Variants in LRIG3 observed in about 807,000 individuals in gnomAD.
LRIG3 encodes leucine-rich repeats and immunoglobulin-like domains protein 3.
In LRIG3, 76 loss-of-function variants were observed where a neutral mutation model predicts 114.5. That is an observed-to-expected ratio of 0.66 (90% CI 0.55 to 0.80). LRIG3 has a LOEUF of 0.80. LRIG3 is among the 30% of genes least tolerant of loss of function. LRIG3 has a pLI of 0.00. For synonymous variants in LRIG3, 512 were observed against 519.8 expected (o/e 0.98, Z 0.20); for missense variants, 1,239 against 1,382.8 (o/e 0.90, Z 1.65).
At chr12:58,890,415 T>G (rs1027675958) in intron 4 of LRIG3, among the ~76,000 whole-genome samples, 1 of 152,184 alleles carries the variant, frequency 6.6e-6, no homozygotes, top group Non-Finnish European at 1.5e-5. Flanking sequence ...TGATTTTGAT[T>G]GTTTTTTTAA....
At position 58,890,117 on chromosome 12, in the gene LRIG3, T is replaced by G; in HGVS notation, c.538A>C (p.Thr180Pro). The change falls in exon 5 of 19, where the codon ACA becomes CCA. Residue 180 changes from threonine (T) to proline (P), a missense_variant. By Grantham distance (38) the Thr-to-Pro change is conservative. Transcript: ENST00000320743. ...KYLYLNSNRV[T>P]SMEPGYFDNL... Reference sequence around the variant, plus strand: ...TCAAAATACCCAGGTTCCATTGATGTGACTCGGTTGCTGTTGAGATACCTG... The same window carrying G: ...TCAAAATACCCAGGTTCCATTGATGGGACTCGGTTGCTGTTGAGATACCTG... 1 of 1,613,694 alleles carries G rather than the reference T, an allele frequency of 6.2e-7. No homozygotes were observed. Among genetic ancestry groups the G allele is most frequent in the Non-Finnish European group, 8.5e-7 (1 of 1,179,696 alleles).
intron 18 of LRIG3, among the ~76,000 whole-genome samples, chr12:58,873,247 T>C (rs992048486): frequency 1.3e-5 from 2 of 152,214 alleles, no homozygotes; most frequent in African/African-American, 4.8e-5. Flanking sequence ...TCTTCATTAA[T>C]TGTAGCCAAA....
chr12:58,903,004 T>A (rs1321754466), intron 3 of LRIG3, among the ~76,000 whole-genome samples: 2 of 152,056 alleles, frequency 1.3e-5, no homozygotes, highest in African/African-American at 4.8e-5. Flanking sequence ...AGTCTTTGCT[T>A]TTGTGAATAG....
At chr12:58,890,283 G>T (rs1871412013) in intron 4 of LRIG3, 144 bp from the exon 5 acceptor site, 2 of 876,912 alleles carry the variant, frequency 2.3e-6, no homozygotes, top group East Asian at 5.3e-5. Context: ...CTCAAGGACA[G>T]ATGTTAAGAT....
chr12:58,899,026 TC>T (rs1871746578), intron 3 of LRIG3, among the ~76,000 whole-genome samples: 1 of 152,226 alleles, frequency 6.6e-6, no homozygotes, highest in East Asian at 1.9e-4. Flanking sequence ...ATTCTGACTC[TC>T]TGCACCAGTG....
chr12:58,880,778 T>C lies in LRIG3; in HGVS notation c.1604A>G (p.Lys535Arg), dbSNP rs1289094689. Residue 535 changes from lysine to arginine, a missense_variant, in exon 13 of 19, where the codon AAA (lysine) becomes AGA (arginine). Lys to Arg is a conservative substitution (Grantham distance 26, BLOSUM62 2). Coordinates refer to ENST00000320743, the MANE Select transcript of LRIG3 (RefSeq NM_153377.5). ...ATCATGCAGTAGTTCATTGTCTTTT[T>C]TCCAAGCAAAAGTCATTGGGGAATC... ...SSDSPMTFAW[K>R]KDNELLHDAE... The C allele has an allele frequency of 3.1e-6, 5 of 1,614,220 alleles. No individual in the cohort carries two copies. The highest frequency in any genetic ancestry group is 3.4e-6 in the Non-Finnish European group (4 of 1,180,024).
chr12:58,877,713 C>G lies in LRIG3; in HGVS notation c.2223G>C (p.Glu741Asp), dbSNP rs1334587941. 1.4e-5 allele frequency: 22 copies of G among 1,614,088 alleles called. No homozygotes were observed. The highest frequency in any genetic ancestry group is 1.8e-5 in the Non-Finnish European group (21 of 1,180,052). Residue 741 changes from glutamate (E) to aspartate (D), a missense_variant, in exon 15 of 19, where the codon GAG becomes GAC. Transcript: ENST00000320743. ...TKDDSPLVVT[E>D]RHFFAAGNQL... Reference sequence around the variant, plus strand: ...GATTGCCTGCTGCAAAAAAGTGCCTCTCGGTTACCACCAATGGGCTATCAT... The same window carrying G: ...GATTGCCTGCTGCAAAAAAGTGCCTGTCGGTTACCACCAATGGGCTATCAT...
chr12:58,872,754 A>G lies in LRIG3; in HGVS notation c.3178T>C (p.Ser1060Pro). The change falls in exon 19 of 19, where the codon TCA becomes CCA. Residue 1060 changes from serine (S) to proline (P), a missense_variant. Physicochemically the swap from Ser to Pro is moderately conservative, Grantham distance 74. Transcript: ENST00000320743. ...TAAAAGGCTCTTGGCTGACAATCTG[A>G]TGGCTGTCCAAAGCTTGAATAGGCA... ...LDAYSSFGQP[S>P]DCQPRAFYLK... 6.2e-7 allele frequency: 1 copy of G among 1,614,078 alleles called. No individual in the cohort carries two copies. Among genetic ancestry groups the G allele is most frequent in the Middle Eastern group, 1.6e-4 (1 of 6,062 alleles).
chr12:58,913,841 C>A, intron 3 of LRIG3, 141 bp downstream of exon 3: 4 of 632,124 alleles, frequency 6.3e-6, no homozygotes, highest in South Asian at 2.4e-5. Context: ...ACAAGTTAAC[C>A]AATTTAAAGC....
At chr12:58,903,887 G>A (rs1462395850) in intron 3 of LRIG3, among the ~76,000 whole-genome samples, 17 of 151,782 alleles carry the variant, frequency 1.1e-4, no homozygotes, top group East Asian at 3.9e-4. Flanking sequence ...GATATGCGGC[G>A]TTATTTCTGA....
chr12:58,890,240 C>A (rs1251982301), intron 4 of LRIG3, 101 bp from the exon 5 acceptor site: 2 of 1,216,818 alleles, frequency 1.6e-6, no homozygotes, highest in Middle Eastern at 4.0e-4. Flanking sequence ...ACTTAACCAT[C>A]AATGGAAACT....
intron 13 of LRIG3, among the ~76,000 whole-genome samples, chr12:58,879,839 T>C (rs1034693700): frequency 2.0e-5 from 3 of 152,170 alleles, no homozygotes; most frequent in Admixed American, 2.0e-4. Context: ...TTATCCCTAA[T>C]TGAAAGATGT....
At position 58,890,092 on chromosome 12, in the gene LRIG3, TC is replaced by T; in HGVS notation, c.562del (p.Asp188ThrfsTer10). ...CACAAGGAGTGTGTTGGCCAAATTG[TC>T]AAAATACCCAGGTTCCATTGATGTG... Reference protein sequence around the residue: ...RVTSMEPGYFDNLANTLLVLK... With the variant: ...RVTSMEPGYFXNLANTLLVLK... On this transcript the variant is annotated frameshift_variant, in exon 5 of 19. Coordinates refer to ENST00000320743, the MANE Select transcript of LRIG3 (RefSeq NM_153377.5). LOFTEE classifies it high-confidence loss of function. 6.2e-7 allele frequency: 1 copy of T among 1,613,944 alleles called. No individual in the cohort carries two copies. The highest frequency in any genetic ancestry group is 8.5e-7 in the Non-Finnish European group (1 of 1,179,874).
intron 18 of LRIG3, 22 bp downstream of exon 18, chr12:58,874,033 C>T (rs184817699): frequency 8.2e-5 from 133 of 1,613,204 alleles, no homozygotes; most frequent in Non-Finnish European, 5.6e-5. Flanking sequence ...AGACGAGGTA[C>T]CTGATAACTT....
At chr12:58,875,480 T>C (rs1407391705) in intron 16 of LRIG3, among the ~76,000 whole-genome samples, 1 of 152,212 alleles carries the variant, frequency 6.6e-6, no homozygotes, top group African/African-American at 2.4e-5. Flanking sequence ...ACAGAGCGTA[T>C]AATAAATACT....
intron 3 of LRIG3, among the ~76,000 whole-genome samples, chr12:58,891,790 TAA>T (rs1188728388): frequency 6.6e-6 from 1 of 152,202 alleles, no homozygotes; most frequent in African/African-American, 2.4e-5. Flanking sequence ...TGTTTTACAT[TAA>T]AAGTCTTAAA....
chr12:58,888,622 A>G (rs1871352693), intron 6 of LRIG3, 150 bp from the exon 7 acceptor site: 2 of 1,256,358 alleles, frequency 1.6e-6, no homozygotes, highest in Non-Finnish European at 2.2e-6. Flanking sequence ...AAAATACTAT[A>G]TAGTTTATAC....
At position 58,877,598 on chromosome 12, in the gene LRIG3, C is replaced by T. The variant is rs765983743; in HGVS notation, c.2338G>A (p.Val780Met). The change falls in exon 15 of 19, where the codon GTG (valine) becomes ATG (methionine). Residue 780 changes from valine to methionine, a missense_variant. Physicochemically the swap from Val to Met is conservative, Grantham distance 21. Coordinates refer to ENST00000320743, the MANE Select transcript of LRIG3 (RefSeq NM_153377.5). Reference sequence around the variant, plus strand: ...GGAGTGGGGATCACACTGAGGCGCACGTTTCCTCTCTCAGTGCCAAGGGTG... The same window carrying T: ...GGAGTGGGGATCACACTGAGGCGCATGTTTCCTCTCTCAGTGCCAAGGGTG... ...SNTLGTERGNVRLSVIPTPTC... is the reference protein window; with the variant it reads ...SNTLGTERGNMRLSVIPTPTC... 65 of 1,614,086 alleles carry T rather than the reference C, an allele frequency of 4.0e-5. No individual in the cohort carries two copies. The East Asian group carries it at 4.7e-4, about 12-fold the overall frequency.
At chr12:58,890,947 A>G in intron 3 of LRIG3, 151 bp from the exon 4 acceptor site, 2 of 513,444 alleles carry the variant, frequency 3.9e-6, no homozygotes, top group South Asian at 7.2e-5. Context: ...TACCATGGCC[A>G]TTTTAAGTTA....
Sources: gnomAD v4.1 joint callset for allele counts (sites outside exome capture counted in the v4.1 genomes callset) on GRCh38, gnomAD v4.1.1 for gene constraint, MANE v1.5 for transcripts, NCBI Gene and HGNC (gene_info 2026-07-23, HGNC 2026-07-21) for gene names.